Variants in PRAM1 observed in about 807,000 individuals in gnomAD.
PRAM1 encodes PML-RARA-regulated adapter molecule 1.
A neutral mutation model predicts 55.3 loss-of-function variants in PRAM1; 41 were observed. That is an observed-to-expected ratio of 0.74 (90% CI 0.58 to 0.96). The LOEUF is 0.96. Ranked by LOEUF, PRAM1 falls within the 40% of genes least tolerant of loss-of-function variation. The pLI is 0.00. For synonymous variants in PRAM1, 401 were observed against 387.1 expected (o/e 1.04, Z -0.42); for missense variants, 898 against 892.7 (o/e 1.01, Z -0.08).
Position 8,498,464 on chromosome 19 carries a change from G to A in PRAM1, c.1344C>T (p.Ser448=), listed in dbSNP as rs1971734510. The part of the protein sequence containing the change: ...PPRRRPLPPA[S]SLGHPPAKPP... ...GCTTGGCTGGAGGGTGTCCCAGGCTGCTGGCAGGGGGCAGAGGCCTCCGCC... is the reference window on the plus strand; with the variant it reads ...GCTTGGCTGGAGGGTGTCCCAGGCTACTGGCAGGGGGCAGAGGCCTCCGCC... Residue 448 remains serine (S), a synonymous_variant, in exon 2 of 10, where the codon AGC becomes AGT. Transcript: ENST00000423345. 6.3e-7 allele frequency: 1 copy of A among 1,586,036 alleles called. No individual in the cohort carries two copies.
intron 4 of PRAM1, 35 bp from the exon 5 acceptor site, chr19:8,491,192 C>T: frequency 6.3e-7 from 1 of 1,595,646 alleles, no homozygotes; most frequent in Non-Finnish European, 8.5e-7. Flanking sequence ...CAAGGCAGGG[C>T]CCGCCGGCTC....
rs745489329 is a variant in PRAM1, at chr19:8,498,447, G to A, written c.1361C>T (p.Pro454Leu). The change falls in exon 2 of 10, where the codon CCA becomes CTA. Residue 454 changes from proline to leucine, a missense_variant. Transcript: ENST00000423345. Reference sequence around the variant, plus strand: ...CCCCGGGGGCAGCGGGGGCTTGGCTGGAGGGTGTCCCAGGCTGCTGGCAGG... The same window carrying A: ...CCCCGGGGGCAGCGGGGGCTTGGCTAGAGGGTGTCCCAGGCTGCTGGCAGG... ...LPPASSLGHPPAKPPLPPGPV... is the reference protein window; with the variant it reads ...LPPASSLGHPLAKPPLPPGPV... 2 of 1,583,246 alleles carry A rather than the reference G, an allele frequency of 1.3e-6. No homozygotes were observed. The highest frequency in any genetic ancestry group is 1.7e-6 in the Non-Finnish European group (2 of 1,164,424).
At position 8,499,222 on chromosome 19, in the gene PRAM1, C is replaced by A; in HGVS notation, c.586G>T (p.Glu196Ter). 1 of 1,613,208 alleles carries A rather than the reference C, an allele frequency of 6.2e-7. No individual in the cohort carries two copies. The highest frequency in any genetic ancestry group is 8.5e-7 in the Non-Finnish European group (1 of 1,179,498). Residue 196 changes from glutamate to a stop codon, truncating the protein, a stop_gained, in exon 2 of 10, where the codon GAG (glutamate) becomes TAG (stop). Coordinates refer to ENST00000423345, the MANE Select transcript of PRAM1 (RefSeq NM_032152.5). LOFTEE classifies it high-confidence loss of function. ...GACCTCGGGGTAGCCTCACCGGCCT[C>A]GGGTTGCCAGAGCTTCCTGGGGAAT... is the stretch of plus-strand genomic sequence containing the variant. ...GAFPRKLWQP[E>*]AGEATPRSPQ...
Position 8,490,720 on chromosome 19 carries a change from T to C in PRAM1, c.1780A>G (p.Ile594Val), listed in dbSNP as rs1267772842. 6.2e-7 allele frequency: 1 copy of C among 1,611,420 alleles called. No individual in the cohort carries two copies. Among genetic ancestry groups the C allele is most frequent in the Non-Finnish European group, 8.5e-7 (1 of 1,179,616 alleles). Residue 594 changes from isoleucine to valine, a missense_variant, in exon 7 of 10, where the codon ATC (isoleucine) becomes GTC (valine). Ile to Val is a conservative substitution (Grantham distance 29, BLOSUM62 3). This residue lies in a region of PRAM1 where 787 missense variants were observed against 735.4 expected (regional missense o/e 1.07). Transcript: ENST00000423345. The surrounding 1 kb of genome is among the most constrained non-coding windows in gnomAD (Gnocchi z 7.3). ...CGACGTGTCTTAGCGTTGGGGTCGA[T>C]CATCATCTTCGTGTGAACCACGATC... ...GEIVVHTKMM[I>V]DPNAKTRRGG...
Position 8,490,509 on chromosome 19 carries a change from T to C in PRAM1, c.1907A>G (p.Tyr636Cys), listed in dbSNP as rs1161867726. The change falls in exon 8 of 10, where the codon TAT (tyrosine) becomes TGT (cysteine). Residue 636 changes from tyrosine to cysteine, a missense_variant and splice_region_variant. Coordinates refer to ENST00000423345, the MANE Select transcript of PRAM1 (RefSeq NM_032152.5). The surrounding 1 kb of genome is among the most constrained non-coding windows in gnomAD (Gnocchi z 7.3). ...GAGCGCTGTTCTGGGCACGTAGCCA[T>C]CTGTGGAGAGAGTGGGCATGGTGGG... Reference protein sequence around the residue: ...EMLCRDPKGKYGYVPRTALLP... With the variant: ...EMLCRDPKGKCGYVPRTALLP... The C allele has an allele frequency of 1.2e-6, 2 of 1,611,270 alleles. No homozygotes were observed. Among genetic ancestry groups the C allele is most frequent in the Non-Finnish European group, 1.7e-6 (2 of 1,178,934 alleles).
intron 4 of PRAM1, chr19:8,491,442 A>C (rs1971628308): frequency 1.9e-6 from 1 of 513,912 alleles, no homozygotes; most frequent in African/African-American, 1.9e-5. Context: ...CATGTGGGCC[A>C]GGCTGGTCTT....
At position 8,490,791 on chromosome 19, in the gene PRAM1, T is replaced by C. The variant is rs1163057604; in HGVS notation, c.1744-35A>G. 3.1e-6 allele frequency: 5 copies of C among 1,606,586 alleles called. No individual in the cohort carries two copies. Among genetic ancestry groups the C allele is most frequent in the African/African-American group, 2.7e-5 (2 of 74,898 alleles). Reference sequence around the variant, plus strand: ...GAGATGTTAGGGCCTCTGCTTGTGCTGCCGCCCTTGGGCCCCTGTCTTCTT... The same window carrying C: ...GAGATGTTAGGGCCTCTGCTTGTGCCGCCGCCCTTGGGCCCCTGTCTTCTT... On this transcript the variant is annotated intron_variant, in intron 6 of 9. Coordinates refer to ENST00000423345, the MANE Select transcript of PRAM1 (RefSeq NM_032152.5). The surrounding 1 kb of genome is among the most constrained non-coding windows in gnomAD (Gnocchi z 7.3).
In PRAM1 at chr19:8,499,007, G is replaced by T. The variant is rs368775014; in HGVS notation, c.801C>A (p.Ser267Arg). The T allele has an allele frequency of 1.2e-6, 2 of 1,613,630 alleles. No homozygotes were observed. The highest frequency in any genetic ancestry group is 1.7e-6 in the Non-Finnish European group (2 of 1,179,804). The stretch of plus-strand genomic sequence containing the variant: ...GCTGGGAGGCCTTTTTGGGAAAGGC[G>T]CTGGAGTCGCGCTTCGGCTCGCTGG... ...PQSSEPKRDS[S>R]AFPKKASQPP... Residue 267 changes from serine (S) to arginine (R), a missense_variant, in exon 2 of 10, where the codon AGC becomes AGA. Physicochemically the swap from Ser to Arg is moderately radical, Grantham distance 110. Around this residue, in one of 4 missense-constraint regions of PRAM1, gnomAD observed 787 missense variants for 735.4 expected, o/e 1.07. Transcript: ENST00000423345.
rs1352941002 is a variant in PRAM1, at chr19:8,498,713, G to C, written c.1095C>G (p.Val365=). Residue 365 remains valine, a synonymous_variant, in exon 2 of 10, where the codon GTC becomes GTG. Transcript: ENST00000423345. The stretch of plus-strand genomic sequence containing the variant: ...ACTCAGGCTGCGGGTGTCTCTTGAG[G>C]ACAGCGCTGGGCTCAGGCTGTGAGA... ...RKFSQPEPSA[V]LKRHPQPEFF... 1.3e-6 allele frequency: 2 copies of C among 1,592,836 alleles called. No homozygotes were observed. The highest frequency in any genetic ancestry group is 1.7e-6 in the Non-Finnish European group (2 of 1,170,562).
At position 8,490,902 on chromosome 19, in the gene PRAM1, G is replaced by C; in HGVS notation, c.1728C>G (p.Phe576Leu). The C allele has an allele frequency of 6.2e-7, 1 of 1,613,478 alleles. No individual in the cohort carries two copies. Among genetic ancestry groups the C allele is most frequent in the Non-Finnish European group, 8.5e-7 (1 of 1,179,874 alleles). ...LRKAEKAERE[F>L]RKKFKFEGEI... ...GAGGCCTCACCTTGAACTTCTTCCG[G>C]AACTCCCTCTCGGCCTTCTCTGCCT... The change falls in exon 6 of 10, where the codon TTC becomes TTG. Residue 576 changes from phenylalanine (F) to leucine (L), a missense_variant. Phe to Leu is a conservative substitution (Grantham distance 22, BLOSUM62 0). Transcript: ENST00000423345. The surrounding 1 kb of genome is among the most constrained non-coding windows in gnomAD (Gnocchi z 7.3).
At chr19:8,497,870 C>CTTTTTTT (rs58671333) in intron 3 of PRAM1, 30 bp from the exon 4 acceptor site, 397 of 358,882 alleles carry the variant, frequency 1.1e-3, no homozygotes, top group South Asian at 3.0e-3. Flanking sequence ...GAGGCCTCTT[C>CTTTTTTT]TTTTTTTTTT....
In PRAM1 at chr19:8,490,831, C is replaced by T. The variant is rs542766517; in HGVS notation, c.1743+56G>A. On this transcript the variant is annotated intron_variant, in intron 6 of 9. Transcript: ENST00000423345. This position sits in a 1 kb window ranked among gnomAD's most constrained non-coding sequence, Gnocchi z 7.3. Reference sequence around the variant, plus strand: ...CCTGTCTTCTTTCTGAGCCTGGGATCGGTGGGACCCTGGTCTCCGCCCTGC... The same window carrying T: ...CCTGTCTTCTTTCTGAGCCTGGGATTGGTGGGACCCTGGTCTCCGCCCTGC... 82 of 1,608,390 alleles carry T rather than the reference C, an allele frequency of 5.1e-5. No individual in the cohort carries two copies. The highest frequency in any genetic ancestry group is 1.6e-4 in the Middle Eastern group (1 of 6,062).
chr19:8,502,201 G>A (rs1352426285), intron 1 of PRAM1, among the ~76,000 whole-genome samples: 1 of 152,140 alleles, frequency 6.6e-6, no homozygotes, highest in Admixed American at 6.5e-5. Context: ...TGACTGGACG[G>A]GGGAGGGTCA....
intron 4 of PRAM1, among the ~76,000 whole-genome samples, chr19:8,495,126 G>A (rs989470140): frequency 5.3e-5 from 8 of 151,114 alleles, no homozygotes; most frequent in African/African-American, 1.9e-4. Context: ...TTGAGATTGA[G>A]TCTCACTCTG....
intron 3 of PRAM1, 30 bp from the exon 4 acceptor site, chr19:8,497,870 C>CTTTTTTTT (rs58671333): frequency 3.7e-4 from 134 of 358,988 alleles, no homozygotes; most frequent in Middle Eastern, 1.7e-3. Flanking sequence ...GAGGCCTCTT[C>CTTTTTTTT]TTTTTTTTTT....
intron 4 of PRAM1, among the ~76,000 whole-genome samples, chr19:8,492,278 C>T (rs540284349): frequency 2.1e-5 from 3 of 143,684 alleles, no homozygotes; most frequent in South Asian, 2.3e-4. Flanking sequence ...GTTTTTGAGA[C>T]GGAGTTTCAT....
chr19:8,490,642 C>G lies in PRAM1; in HGVS notation c.1858G>C (p.Glu620Gln). ...AGCATCTCCTCATTGCTGGTGAACT[C>G]GATCACCTCCAGGATCTCCCCGCGC... The part of the protein sequence containing the change: ...IRRGEILEVI[E>Q]FTSNEEMLCR... The change falls in exon 7 of 10, where the codon GAG becomes CAG. Residue 620 changes from glutamate to glutamine, a missense_variant. This residue lies in a region of PRAM1 where 787 missense variants were observed against 735.4 expected (regional missense o/e 1.07). Coordinates refer to ENST00000423345, the MANE Select transcript of PRAM1 (RefSeq NM_032152.5). The surrounding 1 kb of genome is among the most constrained non-coding windows in gnomAD (Gnocchi z 7.3). The G allele has an allele frequency of 6.3e-7, 1 of 1,586,874 alleles. No individual in the cohort carries two copies. The highest frequency in any genetic ancestry group is 2.3e-5 in the East Asian group (1 of 43,310).
In PRAM1 at chr19:8,490,795, G is replaced by T; in HGVS notation, c.1744-39C>A. On this transcript the variant is annotated intron_variant, in intron 6 of 9. Transcript: ENST00000423345. This position sits in a 1 kb window ranked among gnomAD's most constrained non-coding sequence, Gnocchi z 7.3. ...TGTTAGGGCCTCTGCTTGTGCTGCC[G>T]CCCTTGGGCCCCTGTCTTCTTTCTG... 1 of 1,606,172 alleles carries T rather than the reference G, an allele frequency of 6.2e-7. No homozygotes were observed. The highest frequency in any genetic ancestry group is 8.5e-7 in the Non-Finnish European group (1 of 1,178,650).
intron 1 of PRAM1, among the ~76,000 whole-genome samples, chr19:8,500,044 T>C (rs529160688): frequency 6.6e-6 from 1 of 151,748 alleles, no homozygotes; most frequent in South Asian, 2.1e-4. Context: ...CAGCCTCCAG[T>C]CCCACTGCCC....
Sources: allele counts gnomAD v4.1 joint callset (sites outside exome capture counted in the v4.1 genomes callset), GRCh38; gene constraint gnomAD v4.1.1; regional missense constraint gnomAD v4.1.1; non-coding constraint Gnocchi (gnomAD v3.1); transcripts MANE v1.5; gene names NCBI Gene and HGNC (gene_info 2026-07-23, HGNC 2026-07-21).